The following RLIG1 variants were observed in gnomAD, a reference collection of about 807,000 sequenced individuals.
RLIG1 encodes the protein RNA ligase 1.
chr12:88,046,671 T>G, the RLIG1 span: 3 of 784,590 alleles, frequency 3.8e-6, no homozygotes, highest in African/African-American at 1.8e-5. Context: ...CTGGGTTATA[T>G]TCTTTTTAAG....
At chr12:88,040,063 A>C in the RLIG1 span, 1 of 745,212 alleles carries the variant, frequency 1.3e-6, no homozygotes, top group Non-Finnish European at 2.4e-6. Context: ...AAACTAATGA[A>C]ATTAAGAAGA....
the RLIG1 span, among the ~76,000 whole-genome samples, chr12:88,038,806 A>G: frequency 6.6e-6 from 1 of 152,196 alleles, no homozygotes; most frequent in Non-Finnish European, 1.5e-5. Context: ...TGTTATGTTT[A>G]GACAGAGATG....
the RLIG1 span, among the ~76,000 whole-genome samples, chr12:88,038,060 CTTA>C: frequency 6.6e-6 from 1 of 152,110 alleles, no homozygotes; most frequent in African/African-American, 2.4e-5. Flanking sequence ...GCAAGTGATT[CTTA>C]CTAGTTTTAA....
chr12:88,048,030 C>T, the RLIG1 span, among the ~76,000 whole-genome samples: 9 of 152,008 alleles, frequency 5.9e-5, no homozygotes, highest in Non-Finnish European at 1.2e-4. Flanking sequence ...AGGTGTCTGC[C>T]TTCATGAAGC....
chr12:88,036,579 G>A, the RLIG1 span, among the ~76,000 whole-genome samples: 1 of 152,172 alleles, frequency 6.6e-6, no homozygotes, highest in Non-Finnish European at 1.5e-5. Context: ...GGTAGGCACT[G>A]GATAAATATT....
the RLIG1 span, chr12:88,050,067 TAAAG>T: frequency 2.2e-5 from 5 of 230,890 alleles, no homozygotes; most frequent in African/African-American, 4.6e-5. Context: ...AAAAAAAAAA[TAAAG>T]ACACTGTTGC....
At chr12:88,046,117 A>C in the RLIG1 span, among the ~76,000 whole-genome samples, 1 of 152,128 alleles carries the variant, frequency 6.6e-6, no homozygotes, top group Non-Finnish European at 1.5e-5. Context: ...TTATAGCATC[A>C]ATTTAAATAG....
chr12:88,036,746 T>C, the RLIG1 span, among the ~76,000 whole-genome samples: 1 of 152,226 alleles, frequency 6.6e-6, no homozygotes, highest in Admixed American at 6.5e-5. Flanking sequence ...ACCACCTAAC[T>C]GGTCTTACTT....
chr12:88,045,982 C>T, the RLIG1 span, among the ~76,000 whole-genome samples: 2 of 151,964 alleles, frequency 1.3e-5, no homozygotes, highest in Admixed American at 6.6e-5. Context: ...GATTTTTATC[C>T]TCATTCTTTC....
chr12:88,050,102 G>GAAC, the RLIG1 span: 1 of 296,130 alleles, frequency 3.4e-6, no homozygotes, highest in Non-Finnish European at 6.1e-6. Flanking sequence ...CAAAACTTAA[G>GAAC]AACATACTAA....
the RLIG1 span, chr12:88,043,647 G>A: frequency 6.2e-7 from 1 of 1,612,924 alleles, no homozygotes; most frequent in South Asian, 1.1e-5. Context: ...CCGGAGTGCT[G>A]GATACCAGCA....
At chr12:88,036,008 A>G in the RLIG1 span, 2 of 1,496,172 alleles carry the variant, frequency 1.3e-6, no homozygotes, top group Non-Finnish European at 8.9e-7. Context: ...GGAAATGGAT[A>G]ACTCACATCC....
the RLIG1 span, among the ~76,000 whole-genome samples, chr12:88,047,759 C>T: frequency 6.6e-6 from 1 of 152,102 alleles, no homozygotes; most frequent in Non-Finnish European, 1.5e-5. Context: ...ACTTAATTTC[C>T]CAGAACTGCT....
At chr12:88,035,859 T>TGCC in the RLIG1 span, 2 of 1,519,832 alleles carry the variant, frequency 1.3e-6, no homozygotes, top group Middle Eastern at 1.8e-4. Context: ...GCCAGGAACC[T>TGCC]CTGTAGGTTT....
chr12:88,043,586 T>C, the RLIG1 span: 1 of 1,552,658 alleles, frequency 6.4e-7, no homozygotes, highest in South Asian at 1.2e-5. Flanking sequence ...ATTATCTTTT[T>C]AATATTTTTT....
the RLIG1 span, chr12:88,048,794 C>T: frequency 1.6e-5 from 3 of 191,282 alleles, no homozygotes; most frequent in Admixed American, 1.2e-4. Flanking sequence ...ACCTCATAAC[C>T]TATATGTGTG....
chr12:88,043,730 C>T, the RLIG1 span: 1 of 1,544,508 alleles, frequency 6.5e-7, no homozygotes, highest in Non-Finnish European at 8.9e-7. Context: ...CATGATATCT[C>T]TTCTAGTGCA....
At chr12:88,046,531 T>C in the RLIG1 span, among the ~76,000 whole-genome samples, 1 of 130,282 alleles carries the variant, frequency 7.7e-6, no homozygotes, top group Non-Finnish European at 1.7e-5. Context: ...TGGGTGCGGC[T>C]GTGTTCATGG....
At chr12:88,043,883 A>G in the RLIG1 span, 1 of 612,740 alleles carries the variant, frequency 1.6e-6, no homozygotes, top group Non-Finnish European at 2.8e-6. Context: ...TATATCAAAG[A>G]TGTTTCATAT....
Sources: allele counts gnomAD v4.1 joint callset (sites outside exome capture counted in the v4.1 genomes callset), GRCh38; gene constraint gnomAD v4.1.1; transcripts MANE v1.5; gene names NCBI Gene and HGNC (gene_info 2026-07-23, HGNC 2026-07-21).